DMBT1: variants seen among roughly 807,000 people sequenced by gnomAD.
DMBT1 encodes scavenger receptor cysteine-rich domain-containing protein DMBT1.
Under a neutral mutation model 252.9 loss-of-function variants are expected in DMBT1, and 198 were observed. That is an observed-to-expected ratio of 0.78 (90% confidence interval 0.70 to 0.88). The LOEUF (loss-of-function observed/expected upper bound fraction) is 0.88. Among genes scored for constraint, DMBT1 ranks in the 40% least tolerant of loss-of-function variants. DMBT1 has a pLI of 0.00. For missense variants in DMBT1, 2,432 were observed against 2,404.7 expected, an observed-to-expected ratio of 1.01 and a Z score of -0.24; for synonymous variants, 990 against 942.7, an observed-to-expected ratio of 1.05 and a Z score of -0.92.
chr10:122,617,429 G>A lies in DMBT1; in HGVS notation c.4891+169G>A, dbSNP rs1591451268. Among the ~76,000 whole-genome samples the A allele has an allele frequency of 2.0e-5, 3 of 151,396 alleles. No individual in the cohort carries two copies. The East Asian group carries it at 6.1e-4, about 31-fold the overall frequency. ...AGTCAGCCCTGGGTTTGATGTTTGA[G>A]GATGGAGGGTGCTGGTGACTGTCTC... is the stretch of plus-strand genomic sequence containing the variant. On this transcript the variant is annotated intron_variant, in intron 40 of 55. Coordinates refer to ENST00000338354, the MANE Select transcript of DMBT1 (RefSeq NM_001377530.1).
At chr10:122,575,048 C>T (rs1960176) in intron 6 of DMBT1, among the ~76,000 whole-genome samples, 104,486 of 152,046 alleles carry the variant, frequency 0.69, 36,111 homozygotes, top group East Asian at 0.78. Context: ...GTGCCCTGGA[C>T]AAATTCCAGG....
chr10:122,619,260 T>C (rs41290628), intron 41 of DMBT1, 48 bp from the exon 42 acceptor site: 612 of 1,613,416 alleles, frequency 3.8e-4, no homozygotes, highest in Non-Finnish European at 5.0e-4. Context: ...AGTTTTGCCA[T>C]TTTCTGTATA....
At chr10:122,639,350 A>G (rs557285098) in intron 54 of DMBT1, among the ~76,000 whole-genome samples, 1 of 152,306 alleles carries the variant, frequency 6.6e-6, no homozygotes, top group Admixed American at 6.5e-5. Flanking sequence ...GCTTTGTGTG[A>G]GCAATAAAGC....
At chr10:122,598,088 T>G (rs978377477) in intron 25 of DMBT1, 76 bp downstream of exon 25, 2 of 1,604,918 alleles carry the variant, frequency 1.2e-6, no homozygotes, top group African/African-American at 2.7e-5. Context: ...AATGATAGGA[T>G]GAGGGTCAAG....
chr10:122,597,723 G>A (rs551161624), intron 24 of DMBT1, among the ~76,000 whole-genome samples: 1 of 152,286 alleles, frequency 6.6e-6, no homozygotes, highest in East Asian at 1.9e-4. Context: ...CATGGAACAG[G>A]CTAACCCTTT....
At chr10:122,570,047 G>A (rs1177981067) in intron 2 of DMBT1, 115 bp from the exon 3 acceptor site, 2 of 966,424 alleles carry the variant, frequency 2.1e-6, no homozygotes, top group Non-Finnish European at 3.4e-6. Flanking sequence ...TTTAGCAATG[G>A]AGGGTGCCCT....
At chr10:122,579,966 T>C in intron 10 of DMBT1, 65 bp downstream of exon 10, 1 of 1,610,104 alleles carries the variant, frequency 6.2e-7, no homozygotes. Context: ...AAACTCCTAA[T>C]TACATTCTGA....
In DMBT1 at chr10:122,579,529, C is replaced by G. The variant is rs751178670; in HGVS notation, c.680-49C>G. On this transcript the variant is annotated intron_variant, in intron 9 of 55. Transcript: ENST00000338354. ...CTGAGTGTGGAACTTACCTTAGATT[C>G]TTGACCTCATGATAGGGATGGATGA... 63 of 1,611,512 alleles carry G rather than the reference C, an allele frequency of 3.9e-5. No individual in the cohort carries two copies. The Middle Eastern group carries it at 6.4e-4, about 16-fold the overall frequency.
chr10:122,634,368 C>CTTTCTTTCTTTCTTTCTTTCTT (rs1555030081), intron 52 of DMBT1, among the ~76,000 whole-genome samples: 20 of 126,650 alleles, frequency 1.6e-4, no homozygotes, highest in African/African-American at 5.4e-4. Context: ...TTCTTTCTTT[C>CTTTCTTTCTTTCTTTCTTTCTT]TTTCTTTCTT....
At position 122,631,188 on chromosome 10, in the gene DMBT1, T is replaced by C; in HGVS notation, c.6253T>C (p.Ser2085Pro). The change falls in exon 49 of 56, where the codon TCA becomes CCA. Residue 2085 changes from serine to proline, a missense_variant. Around this residue, in one of 3 missense-constraint regions of DMBT1, gnomAD observed 1,162 missense variants for 1,169.0 expected, o/e 0.99. Coordinates refer to ENST00000338354, the MANE Select transcript of DMBT1 (RefSeq NM_001377530.1). The stretch of plus-strand genomic sequence containing the variant: ...CATCACCCTGGACGATGTAGAGTGC[T>C]CAGGGACGGAATCCACTCTCTGGCA... ...GPITLDDVEC[S>P]GTESTLWQCR... The C allele has an allele frequency of 6.2e-7, 1 of 1,614,016 alleles. No homozygotes were observed. The highest frequency in any genetic ancestry group is 8.5e-7 in the Non-Finnish European group (1 of 1,179,888).
chr10:122,567,355 G>T (rs2097605160), intron 2 of DMBT1, among the ~76,000 whole-genome samples: 1 of 152,202 alleles, frequency 6.6e-6, no homozygotes, highest in Non-Finnish European at 1.5e-5. Flanking sequence ...CGTAAGAGGG[G>T]CCCTTCCGAA....
intron 16 of DMBT1, among the ~76,000 whole-genome samples, chr10:122,588,454 C>G (rs1413566461): frequency 6.7e-6 from 1 of 148,828 alleles, no homozygotes; most frequent in South Asian, 2.3e-4. Context: ...TGGAGGGCTC[C>G]CTACTCCTAT....
At chr10:122,563,740 A>G (rs117272131) in intron 1 of DMBT1, among the ~76,000 whole-genome samples, 1 of 152,278 alleles carries the variant, frequency 6.6e-6, no homozygotes, top group East Asian at 1.9e-4. Flanking sequence ...AGAAGGGTCT[A>G]TTCAAAATGT....
At chr10:122,641,813 G>C (rs1844586885) in intron 55 of DMBT1, among the ~76,000 whole-genome samples, 1 of 152,188 alleles carries the variant, frequency 6.6e-6, no homozygotes, top group African/African-American at 2.4e-5. Flanking sequence ...TATACCTGGA[G>C]CACAGGGACT....
At position 122,566,657 on chromosome 10, in the gene DMBT1, C is replaced by T. The variant is rs147162181; in HGVS notation, c.91+661C>T. On this transcript the variant is annotated intron_variant, in intron 2 of 55. Transcript: ENST00000338354. ...TGACAGGTATCTTGAAGATAACTAA[C>T]ATCTACCAAGCACTTGTTATATACC... 3.3e-5 allele frequency among the ~76,000 whole-genome samples: 5 copies of T among 152,282 alleles called. No homozygotes were observed. The East Asian group carries it at 7.7e-4, about 24-fold the overall frequency.
Position 122,618,175 on chromosome 10 carries a change from G to T in DMBT1, c.5050G>T (p.Ala1684Ser). The T allele has an allele frequency of 1.2e-6, 2 of 1,613,894 alleles. No homozygotes were observed. The highest frequency in any genetic ancestry group is 2.2e-5 in the East Asian group (1 of 44,852). Residue 1684 changes from alanine (A) to serine (S), a missense_variant, in exon 41 of 56, where the codon GCC (alanine) becomes TCC (serine). Transcript: ENST00000338354. ...VVCRQLGCGW[A>S]MSAPGNAQFG... The stretch of plus-strand genomic sequence containing the variant: ...CTGCAGGCAGCTGGGCTGTGGCTGG[G>T]CCATGTCAGCCCCAGGAAATGCCCA...
At chr10:122,569,838 C>T (rs963664278) in intron 2 of DMBT1, among the ~76,000 whole-genome samples, 1 of 152,174 alleles carries the variant, frequency 6.6e-6, no homozygotes, top group African/African-American at 2.4e-5. Context: ...TGTGTTTTAG[C>T]TATAGATACA....
chr10:122,572,212 A>T (rs2097670433), intron 4 of DMBT1, 102 bp from the exon 5 acceptor site: 15 of 1,512,816 alleles, frequency 9.9e-6, no homozygotes, highest in Non-Finnish European at 1.4e-5. Context: ...TGCCTTTAGG[A>T]CCTGTGTTTC....
chr10:122,570,430 A>AC (rs2097650743), intron 3 of DMBT1, among the ~76,000 whole-genome samples: 1 of 152,214 alleles, frequency 6.6e-6, no homozygotes, highest in Non-Finnish European at 1.5e-5. Context: ...CCATGCAGCC[A>AC]CTTTGTGATG....
Sources: gnomAD v4.1 joint callset for allele counts (sites outside exome capture counted in the v4.1 genomes callset) on GRCh38, gnomAD v4.1.1 for gene constraint, gnomAD v4.1.1 regional missense constraint, MANE v1.5 for transcripts, NCBI Gene and HGNC (gene_info 2026-07-23, HGNC 2026-07-21) for gene names.